The following SLC30A8 variants were observed in gnomAD, a reference collection of about 807,000 sequenced individuals.
SLC30A8 encodes proton-coupled zinc antiporter SLC30A8.
SLC30A8 carries 27 observed loss-of-function variants against 36.9 expected under a neutral mutation model. The ratio of observed to expected loss-of-function variants is 0.73; its 90% CI spans 0.54 to 1.01. The LOEUF is 1.01. SLC30A8 is among the 50% of genes least tolerant of loss of function. The pLI, the probability that SLC30A8 is intolerant of heterozygous loss-of-function variation, is 0.00. For missense variants in SLC30A8, 439 were observed against 452.0 expected (o/e 0.97, Z 0.26); for synonymous variants, 164 against 172.4 (o/e 0.95, Z 0.38).
At chr8:116,990,964 G>T (rs1447834678) in intron 1 of SLC30A8, among the ~76,000 whole-genome samples, 1 of 152,080 alleles carries the variant, frequency 6.6e-6, no homozygotes, top group Non-Finnish European at 1.5e-5. Context: ...GAGAGAGAAA[G>T]AATTAGTATT....
At chr8:117,044,039 T>C (rs905248318) in intron 2 of SLC30A8, among the ~76,000 whole-genome samples, 2 of 152,272 alleles carry the variant, frequency 1.3e-5, no homozygotes. Context: ...AGAACTGTAA[T>C]GATGGAAGCG....
chr8:117,130,059 A>G (rs1462089860), upstream of SLC30A8: 1 of 151,932 alleles, frequency 6.6e-6, no homozygotes, highest in Non-Finnish European at 1.5e-5. Context: ...TCCTGATGGT[A>G]GTGGTGAGAT....
chr8:117,168,347 T>C (rs1372014994), intron 6 of SLC30A8, among the ~76,000 whole-genome samples: 4 of 152,208 alleles, frequency 2.6e-5, no homozygotes, highest in Non-Finnish European at 5.9e-5. Flanking sequence ...TTTTCTACTC[T>C]AATAGGTGAA....
At chr8:117,126,637 C>G (rs1160544520) in intron 2 of SLC30A8, among the ~76,000 whole-genome samples, 1 of 151,932 alleles carries the variant, frequency 6.6e-6, no homozygotes, top group African/African-American at 2.4e-5. Context: ...ATGCCAGATA[C>G]CGTTTATGAA....
At position 117,010,142 on chromosome 8, in the gene SLC30A8, TG is replaced by T. The variant is rs369291336; in HGVS notation, c.-265-29073del. ...GAATTAGGCAGGGGAAGAAGTTTAATGGGGATAGAGTTGGAACAGAGGCCTC... is the reference window on the plus strand; with the variant it reads ...GAATTAGGCAGGGGAAGAAGTTTAATGGGATAGAGTTGGAACAGAGGCCTC... On this transcript the variant is annotated intron_variant, in intron 1 of 10. Coordinates refer to the SLC30A8 transcript ENST00000427715. 6.3e-3 allele frequency among the ~76,000 whole-genome samples: 967 copies of T among 152,302 alleles called. 14 individuals are homozygous for T. Among genetic ancestry groups the T allele is most frequent in the African/African-American group, 0.022 (929 of 41,568 alleles).
At chr8:117,142,493 T>C (rs1821699074) in intron 1 of SLC30A8, among the ~76,000 whole-genome samples, 1 of 152,196 alleles carries the variant, frequency 6.6e-6, no homozygotes, top group Non-Finnish European at 1.5e-5. Flanking sequence ...TGAAGTGTTC[T>C]GCAAAATCTG....
intron 1 of SLC30A8, among the ~76,000 whole-genome samples, chr8:116,956,995 A>G (rs781401990): frequency 6.6e-6 from 1 of 152,204 alleles, no homozygotes; most frequent in Non-Finnish European, 1.5e-5. Flanking sequence ...AAATAGTTTC[A>G]ATACTCATGA....
At chr8:117,151,293 A>C (rs1395743838) in intron 2 of SLC30A8, among the ~76,000 whole-genome samples, 1 of 152,196 alleles carries the variant, frequency 6.6e-6, no homozygotes. Context: ...AGATCACTGA[A>C]GAGAGGCTGT....
chr8:116,977,356 T>C (rs1186784539), intron 1 of SLC30A8, among the ~76,000 whole-genome samples: 2 of 148,560 alleles, frequency 1.3e-5, no homozygotes, highest in East Asian at 4.1e-4. Context: ...GGTTTCACTG[T>C]GTTAGCCAGG....
At chr8:117,165,728 T>C (rs1219316490) in intron 6 of SLC30A8, among the ~76,000 whole-genome samples, 1 of 152,154 alleles carries the variant, frequency 6.6e-6, no homozygotes, top group East Asian at 1.9e-4. Context: ...GAGTGCAACC[T>C]AGGTGTCCAA....
chr8:117,024,770 C>G (rs1816821174), intron 1 of SLC30A8, among the ~76,000 whole-genome samples: 1 of 152,128 alleles, frequency 6.6e-6, no homozygotes. Context: ...TCTCCCCTAT[C>G]AGTGTCTGCC....
chr8:116,977,315 ATT>A lies in SLC30A8; in HGVS notation c.-266+26206_-266+26207del, dbSNP rs34483962. Among the ~76,000 whole-genome samples the A allele has an allele frequency of 8.4e-5, 12 of 142,432 alleles. No individual in the cohort carries two copies. The East Asian group carries it at 1.5e-3, about 18-fold the overall frequency. The allele number at this position is 142,432 out of a possible 152,430, so 93.4% of individuals were successfully genotyped here. A position where few individuals can be genotyped will look rare whatever the true frequency, so the allele number is the denominator to read the frequency against. On this transcript the variant is annotated intron_variant, in intron 1 of 10. Transcript: ENST00000427715. ...AGGCGCCCGCCACCACACCTGGCTA[ATT>A]TTTTTTTTTGTATTTTTAGTAGAGA...
intron 1 of SLC30A8, among the ~76,000 whole-genome samples, chr8:117,014,957 C>G (rs1239085856): frequency 2.0e-5 from 3 of 151,720 alleles, no homozygotes; most frequent in Non-Finnish European, 4.4e-5. Flanking sequence ...GCAAAGGGAC[C>G]TAGACCGAAC....
At chr8:116,960,271 A>G (rs1371026072) in intron 1 of SLC30A8, among the ~76,000 whole-genome samples, 2 of 152,220 alleles carry the variant, frequency 1.3e-5, no homozygotes, top group Non-Finnish European at 2.9e-5. Context: ...GTATCATAGA[A>G]TGCTACGTCA....
chr8:117,019,182 A>G (rs903903460), intron 1 of SLC30A8, among the ~76,000 whole-genome samples: 2 of 152,206 alleles, frequency 1.3e-5, no homozygotes, highest in Non-Finnish European at 2.9e-5. Context: ...AACAGGACCC[A>G]TCTTACTCCA....
chr8:117,114,089 C>T lies in SLC30A8; in HGVS notation c.-225-21191C>T, dbSNP rs562728923. Among the ~76,000 whole-genome samples, 92 of 152,210 alleles carry T rather than the reference C, an allele frequency of 6.0e-4. 1 individual carries two copies. The highest frequency in any genetic ancestry group is 2.1e-3 in the African/African-American group (87 of 41,546). On this transcript the variant is annotated intron_variant, in intron 2 of 10. Coordinates refer to the SLC30A8 transcript ENST00000427715. ...GAAAATGATGACCTGGCTCCAGGTACAAACAAATGCCTTGTCTTAGCCATC... is the reference window on the plus strand; with the variant it reads ...GAAAATGATGACCTGGCTCCAGGTATAAACAAATGCCTTGTCTTAGCCATC...
chr8:117,154,525 G>A (rs1822373461), intron 3 of SLC30A8, among the ~76,000 whole-genome samples: 1 of 152,194 alleles, frequency 6.6e-6, no homozygotes, highest in African/African-American at 2.4e-5. Context: ...ATGGCAGGAA[G>A]TCCTAATTTC....
At chr8:117,000,026 G>A (rs2938864) in intron 1 of SLC30A8, among the ~76,000 whole-genome samples, 57,638 of 151,892 alleles carry the variant, frequency 0.38, 11,944 homozygotes, top group Admixed American at 0.5. Flanking sequence ...GGAAAATCTG[G>A]TCCTTTGAGG....
intron 2 of SLC30A8, among the ~76,000 whole-genome samples, chr8:117,104,237 GTTTC>G (rs1172828574): frequency 6.6e-6 from 1 of 152,126 alleles, no homozygotes; most frequent in Non-Finnish European, 1.5e-5. Context: ...TTGCTTAGTA[GTTTC>G]TTTCTCCATT....
Sources: allele counts gnomAD v4.1 joint callset (sites outside exome capture counted in the v4.1 genomes callset), GRCh38; gene constraint gnomAD v4.1.1; transcripts MANE v1.5; gene names NCBI Gene and HGNC (gene_info 2026-07-23, HGNC 2026-07-21).